The following CP variants were observed in gnomAD, a reference collection of about 807,000 sequenced individuals.
CP encodes ceruloplasmin.
Under a neutral mutation model 122.4 loss-of-function variants are expected in CP, and 64 were observed. The observed-to-expected ratio is 0.52, with a 90% confidence interval of 0.43 to 0.64. The LOEUF is 0.64. Ranked by LOEUF, CP falls within the 30% of genes least tolerant of loss-of-function variation. CP has a pLI of 0.00. For missense variants in CP, 1,167 were observed against 1,284.4 expected, an observed-to-expected ratio of 0.91 and a Z score of 1.40; for synonymous variants, 440 against 436.4, an observed-to-expected ratio of 1.01 and a Z score of -0.10.
At chr3:149,175,953 T>G (rs1248331928) in intron 18 of CP, 1 of 322,712 alleles carries the variant, frequency 3.1e-6, no homozygotes. Flanking sequence ...AATGGTTTGT[T>G]TCTTGGTAAA....
chr3:149,200,089 G>T (rs1727197769), intron 7 of CP: 1 of 542,986 alleles, frequency 1.8e-6, no homozygotes, highest in Non-Finnish European at 3.3e-6. Flanking sequence ...TAATGAAATT[G>T]ATTATCATTT....
chr3:149,200,619 C>T (rs1178188266), intron 7 of CP, among the ~76,000 whole-genome samples: 2 of 151,934 alleles, frequency 1.3e-5, no homozygotes, highest in Non-Finnish European at 2.9e-5. Flanking sequence ...TCTTCTGTCG[C>T]AGCCTCCCAG....
intron 4 of CP, among the ~76,000 whole-genome samples, chr3:149,208,366 T>C (rs538301755): frequency 5.9e-5 from 9 of 152,292 alleles, no homozygotes; most frequent in Admixed American, 5.2e-4. Context: ...ATTTTGAGTA[T>C]CTTTTTATAA....
chr3:149,215,069 A>G (rs1728377671), intron 1 of CP, among the ~76,000 whole-genome samples: 1 of 152,196 alleles, frequency 6.6e-6, no homozygotes, highest in Admixed American at 6.5e-5. Context: ...TTGATTTGAT[A>G]ATATTTGGAG....
intron 6 of CP, 117 bp from the exon 7 acceptor site, chr3:149,202,358 C>A: frequency 1.5e-6 from 2 of 1,315,458 alleles, no homozygotes; most frequent in Non-Finnish European, 2.2e-6. Flanking sequence ...TGAATATTAT[C>A]CATGATTTAT....
intron 9 of CP, among the ~76,000 whole-genome samples, chr3:149,196,249 G>T (rs1233760589): frequency 6.6e-6 from 1 of 152,142 alleles, no homozygotes; most frequent in Non-Finnish European, 1.5e-5. Flanking sequence ...ATTTTTCAGT[G>T]CAGTTTAAGG....
At chr3:149,202,062 G>C in intron 7 of CP, 40 bp downstream of exon 7, 1 of 1,613,578 alleles carries the variant, frequency 6.2e-7, no homozygotes, top group Non-Finnish European at 8.5e-7. Flanking sequence ...GTAGCCCATG[G>C]GAAGAGTAAA....
At chr3:149,193,311 C>T (rs1726670672) in intron 9 of CP, among the ~76,000 whole-genome samples, 1 of 152,076 alleles carries the variant, frequency 6.6e-6, no homozygotes, top group Admixed American at 6.5e-5. Context: ...CAAATACACC[C>T]AGTTCATAAT....
Position 149,186,600 on chromosome 3 carries a change from A to G in CP, c.1997T>C (p.Leu666Pro), listed in dbSNP as rs1163219811. The part of the protein sequence containing the change: ...HGIYFSGNTY[L>P]WRGERRDTAN... ...TGTGTCTCTCCGTTCTCCTCTCCAC[A>G]GATATGTGTTTCCTGAAAAGTATAT... Residue 666 changes from leucine to proline, a missense_variant, in exon 11 of 19, where the codon CTG (leucine) becomes CCG (proline). This residue lies in a region of CP where 525 missense variants were observed against 657.2 expected (regional missense o/e 0.80). Transcript: ENST00000264613. The G allele has an allele frequency of 2.5e-6, 4 of 1,614,184 alleles. No homozygotes were observed. The highest frequency in any genetic ancestry group is 3.4e-6 in the Non-Finnish European group (4 of 1,180,028).
intron 6 of CP, among the ~76,000 whole-genome samples, chr3:149,205,123 C>T (rs1422165012): frequency 6.6e-6 from 1 of 151,108 alleles, no homozygotes; most frequent in Non-Finnish European, 1.5e-5. Flanking sequence ...CATTACTAGT[C>T]ATTAAGAAAA....
intron 9 of CP, among the ~76,000 whole-genome samples, chr3:149,194,139 G>A (rs1188357023): frequency 1.3e-5 from 2 of 151,698 alleles, no homozygotes; most frequent in African/African-American, 4.8e-5. Flanking sequence ...CATTAGTCTT[G>A]TTTTATTCCT....
chr3:149,166,656 A>G (rs1330471357), intron 4 of CP, among the ~76,000 whole-genome samples: 7 of 152,202 alleles, frequency 4.6e-5, no homozygotes, highest in Non-Finnish European at 1.5e-5. Context: ...GATTACTTCT[A>G]AATTTTCAAT....
chr3:149,203,581 A>C (rs937830022), intron 6 of CP, among the ~76,000 whole-genome samples: 14 of 152,322 alleles, frequency 9.2e-5, no homozygotes, highest in Admixed American at 2.6e-4. Flanking sequence ...TTTGTTTATT[A>C]GCTGAAACTC....
intron 13 of CP, 64 bp from the exon 14 acceptor site, chr3:149,182,197 T>C: frequency 6.3e-7 from 1 of 1,583,464 alleles, no homozygotes; most frequent in Non-Finnish European, 8.7e-7. Flanking sequence ...AAAGCAAAGA[T>C]CAGCAAAGAT....
In CP at chr3:149,202,087, T is replaced by G. The variant is rs1431479649; in HGVS notation, c.1348+15A>C. ...GGAAGAGTAAACCAGCCATATATATTCTGCAAGAACTCACCCAGGATGCCA... is the reference window on the plus strand; with the variant it reads ...GGAAGAGTAAACCAGCCATATATATGCTGCAAGAACTCACCCAGGATGCCA... On this transcript the variant is annotated intron_variant, in intron 7 of 18. Coordinates refer to ENST00000264613, the MANE Select transcript of CP (RefSeq NM_000096.4). The G allele has an allele frequency of 1.9e-6, 3 of 1,613,984 alleles. No homozygotes were observed. The highest frequency in any genetic ancestry group is 2.5e-6 in the Non-Finnish European group (3 of 1,179,890).
At chr3:149,168,152 T>C (rs1412319303), downstream of CP, 1 of 606,016 alleles carries the variant, frequency 1.7e-6, no homozygotes. Flanking sequence ...ACATTTGATA[T>C]TGATTTATCT....
chr3:149,184,262 C>T (rs1439109426), intron 12 of CP, among the ~76,000 whole-genome samples: 2 of 151,842 alleles, frequency 1.3e-5, no homozygotes, highest in Non-Finnish European at 1.5e-5. Flanking sequence ...GTCTCCATCC[C>T]CTGACCTCGT....
chr3:149,188,383 T>C (rs1202826196), intron 9 of CP, among the ~76,000 whole-genome samples, 181 bp from the exon 10 acceptor site: 6 of 151,158 alleles, frequency 4.0e-5, no homozygotes, highest in Admixed American at 4.0e-4. Flanking sequence ...TTCTTTGGTA[T>C]CTGTTTAGTG....
intron 15 of CP, among the ~76,000 whole-genome samples, 154 bp downstream of exon 15, chr3:149,179,402 T>A (rs1435223541): frequency 6.6e-6 from 1 of 152,192 alleles, no homozygotes; most frequent in Non-Finnish European, 1.5e-5. Flanking sequence ...TTGTGTGTCA[T>A]AGGTAGCAGC....
Sources: allele counts gnomAD v4.1 joint callset (sites outside exome capture counted in the v4.1 genomes callset), GRCh38; gene constraint gnomAD v4.1.1; regional missense constraint gnomAD v4.1.1; transcripts MANE v1.5; gene names NCBI Gene and HGNC (gene_info 2026-07-23, HGNC 2026-07-21).